The following TRMT61B variants were observed in gnomAD, a reference collection of about 807,000 sequenced individuals.
TRMT61B encodes the protein tRNA methyltransferase 61B, also known as tRNA (adenine(58)-N(1))-methyltransferase, mitochondrial.
A neutral mutation model predicts 52.0 loss-of-function variants in TRMT61B; 56 were observed. The ratio of observed to expected loss-of-function variants is 1.08; its 90% CI spans 0.87 to 1.35. TRMT61B has a LOEUF of 1.35. Ranked by LOEUF, TRMT61B falls within the 40% of genes most tolerant of loss-of-function variation. The pLI is 0.00. For missense variants in TRMT61B, 650 were observed against 577.9 expected, an observed-to-expected ratio of 1.12 and a Z score of -1.28; for synonymous variants, 206 against 220.0, an observed-to-expected ratio of 0.94 and a Z score of 0.56.
intron 3 of TRMT61B, among the ~76,000 whole-genome samples, chr2:28,853,973 A>G (rs1462474857): frequency 6.6e-6 from 1 of 152,226 alleles, no homozygotes; most frequent in Admixed American, 6.5e-5. Context: ...AAAAACAAAA[A>G]ATAAATCTGG....
Position 28,861,262 on chromosome 2 carries a change from G to T in TRMT61B, c.849C>A (p.His283Gln), listed in dbSNP as rs752345688. ...TGTAATTCTTCTTAGCCAGATCATG[G>T]TGGTCTTTTCGTACCTCAAAACTTA... is the stretch of plus-strand genomic sequence containing the variant. ...RVISFEVRKD[H>Q]HDLAKKNYKH... Residue 283 changes from histidine to glutamine, a missense_variant, in exon 3 of 7, where the codon CAC becomes CAA. Transcript: ENST00000306108. The T allele has an allele frequency of 1.2e-6, 2 of 1,610,442 alleles. No homozygotes were observed. The highest frequency in any genetic ancestry group is 2.2e-5 in the South Asian group (2 of 89,976).
intron 2 of TRMT61B, among the ~76,000 whole-genome samples, chr2:28,861,683 G>A (rs1161083875): frequency 2.6e-5 from 4 of 152,116 alleles, no homozygotes; most frequent in African/African-American, 4.8e-5. Context: ...TCACTGTATG[G>A]CTACGATGAA....
intron 2 of TRMT61B, among the ~76,000 whole-genome samples, chr2:28,862,395 C>T (rs1385642361): frequency 7.4e-6 from 1 of 135,914 alleles, no homozygotes; most frequent in East Asian, 2.4e-4. Context: ...TGCGGTGGTG[C>T]AATCACAGCT....
At chr2:28,865,793 G>A (rs1459792726) in intron 1 of TRMT61B, among the ~76,000 whole-genome samples, 2 of 146,942 alleles carry the variant, frequency 1.4e-5, no homozygotes, top group African/African-American at 5.1e-5. Flanking sequence ...CGATTCTCCT[G>A]CCTCAGCCTC....
At chr2:28,851,878 C>CAAAA (rs1162566474) in intron 4 of TRMT61B, among the ~76,000 whole-genome samples, 4 of 18,258 alleles carry the variant, frequency 2.2e-4, no homozygotes, top group Admixed American at 7.5e-4. Context: ...GACTCTGTCT[C>CAAAA]AAAAAAAAAA....
intron 3 of TRMT61B, among the ~76,000 whole-genome samples, chr2:28,859,071 TTTTCTTTC>T (rs759626791): frequency 1.3e-5 from 2 of 150,350 alleles, no homozygotes; most frequent in South Asian, 2.1e-4. Flanking sequence ...ATTCTTGTAT[TTTTCTTTC>T]TTTCTTTCTT....
intron 4 of TRMT61B, among the ~76,000 whole-genome samples, 167 bp downstream of exon 4, chr2:28,852,241 A>AGGT (rs1268112414): frequency 7.7e-6 from 1 of 130,024 alleles, no homozygotes; most frequent in African/African-American, 2.9e-5. Context: ...TGAACAGGGG[A>AGGT]GGTGGAGGTT....
rs906349540 is a variant in TRMT61B at position 28,865,016 on chromosome 2, C to T, written c.802+1G>A. The T allele has an allele frequency of 4.4e-6, 7 of 1,596,046 alleles. No individual in the cohort carries two copies. The Admixed American group carries it at 1.2e-4, about 27-fold the overall frequency. On this transcript the variant is annotated splice_donor_variant, in intron 2 of 6. Coordinates refer to ENST00000306108, the MANE Select transcript of TRMT61B (RefSeq NM_017910.4). LOFTEE classifies it high-confidence loss of function. ...AGATCCAGCTCAGTCCAATCTCTTA[C>T]CTGCTTTGGATAAAAATAAGCTCAT...
chr2:28,852,768 G>A (rs183092998), intron 3 of TRMT61B, among the ~76,000 whole-genome samples: 107 of 151,952 alleles, frequency 7.0e-4, no homozygotes, highest in African/African-American at 2.5e-3. Flanking sequence ...GAACAGCCCA[G>A]GCAACATAGC....
rs751751064 is a variant in TRMT61B, at chr2:28,869,811, A to G, written c.467T>C (p.Leu156Pro). 3 of 1,614,108 alleles carry G rather than the reference A, an allele frequency of 1.9e-6. No homozygotes were observed. Among genetic ancestry groups the G allele is most frequent in the Non-Finnish European group, 2.5e-6 (3 of 1,179,996 alleles). The part of the protein sequence containing the change: ...SRERPFQAGE[L>P]ILAETGEGET... The stretch of plus-strand genomic sequence containing the variant: ...TCCCTCCCCAGTCTCAGCTAAAATC[A>G]GTTCCCCAGCCTGAAAGGGTCTCTC... Residue 156 changes from leucine (L) to proline (P), a missense_variant, in exon 1 of 7, where the codon CTG becomes CCG. Coordinates refer to ENST00000306108, the MANE Select transcript of TRMT61B (RefSeq NM_017910.4).
At chr2:28,862,788 C>G (rs1289910539) in intron 2 of TRMT61B, among the ~76,000 whole-genome samples, 2 of 147,424 alleles carry the variant, frequency 1.4e-5, no homozygotes, top group Non-Finnish European at 3.0e-5. Flanking sequence ...GTCAGGAGTT[C>G]GAGACCAGCC....
chr2:28,850,276 T>C lies in TRMT61B; in HGVS notation c.1391-34A>G, dbSNP rs201181427. ...AGAGAAGAAAAACATAAAGTCATTATATTAATTAAAAGAAAAAACACCATT... is the reference window on the plus strand; with the variant it reads ...AGAGAAGAAAAACATAAAGTCATTACATTAATTAAAAGAAAAAACACCATT... On this transcript the variant is annotated intron_variant, in intron 6 of 6. Coordinates refer to ENST00000306108, the MANE Select transcript of TRMT61B (RefSeq NM_017910.4). 2,525 of 1,604,192 alleles carry C rather than the reference T, an allele frequency of 1.6e-3. 7 individuals are homozygous for C. The highest frequency in any genetic ancestry group is 1.9e-3 in the Non-Finnish European group (2,285 of 1,173,806).
rs763893598 is a variant in TRMT61B, at chr2:28,870,005, C to T, written c.273G>A (p.Pro91=). The change falls in exon 1 of 7, where the codon CCG becomes CCA. Residue 91 remains proline (P), a synonymous_variant. Transcript: ENST00000306108. ...GAGGGGATGACTCTTCCCGCAGCGT[C>T]GGCAGTCTGAGGTTTTCCAGTGACG... ...CLSSLENLRL[P]TLREESSPRE... The T allele has an allele frequency of 4.3e-6, 7 of 1,613,660 alleles. No individual in the cohort carries two copies. Among genetic ancestry groups the T allele is most frequent in the Non-Finnish European group, 5.9e-6 (7 of 1,180,048 alleles).
At chr2:28,860,808 A>G (rs1325759203) in intron 3 of TRMT61B, among the ~76,000 whole-genome samples, 3 of 152,184 alleles carry the variant, frequency 2.0e-5, no homozygotes, top group South Asian at 2.1e-4. Context: ...TATGCTTCCA[A>G]TGCTGCTTCC....
At chr2:28,862,316 G>A (rs1669639159) in intron 2 of TRMT61B, among the ~76,000 whole-genome samples, 2 of 139,312 alleles carry the variant, frequency 1.4e-5, no homozygotes, top group Non-Finnish European at 3.0e-5. Flanking sequence ...CATTTTTAAT[G>A]TAGATTTTTG....
chr2:28,869,467 A>G (rs1180573074), intron 1 of TRMT61B, 112 bp downstream of exon 1: 3 of 734,994 alleles, frequency 4.1e-6, no homozygotes, highest in Non-Finnish European at 6.7e-6. Context: ...CCTGAGTACA[A>G]TAAAAAATCC....
At chr2:28,861,676 C>T (rs1462110036) in intron 2 of TRMT61B, among the ~76,000 whole-genome samples, 5 of 152,218 alleles carry the variant, frequency 3.3e-5, no homozygotes, top group African/African-American at 7.2e-5. Context: ...ATTATATTCA[C>T]TGTATGGCTA....
chr2:28,861,118 T>C lies in TRMT61B; in HGVS notation c.993A>G (p.Ala331=), dbSNP rs761663494. 17 of 1,593,854 alleles carry C rather than the reference T, an allele frequency of 1.1e-5. No individual in the cohort carries two copies. The Admixed American group carries it at 3.1e-4, about 29-fold the overall frequency. The part of the protein sequence containing the change: ...TEDIKSLTFD[A]VALDMLNPHV... The stretch of plus-strand genomic sequence containing the variant: ...ACAGGACCCACGTTAGAAAACTTAC[T>C]GCGTCAAATGTTAAAGATTTTATGT... Residue 331 remains alanine (A), a splice_region_variant and synonymous_variant, in exon 3 of 7, where the codon GCA becomes GCG. Coordinates refer to ENST00000306108, the MANE Select transcript of TRMT61B (RefSeq NM_017910.4).
At chr2:28,866,940 C>A (rs1298300054) in intron 1 of TRMT61B, among the ~76,000 whole-genome samples, 1 of 150,500 alleles carries the variant, frequency 6.6e-6, no homozygotes, top group Non-Finnish European at 1.5e-5. Flanking sequence ...GGACCACAGG[C>A]ATGTACCACC....
Sources: gnomAD v4.1 joint callset for allele counts (sites outside exome capture counted in the v4.1 genomes callset) on GRCh38, gnomAD v4.1.1 for gene constraint, MANE v1.5 for transcripts, NCBI Gene and HGNC (gene_info 2026-07-23, HGNC 2026-07-21) for gene names.